Variants in KLF12 observed in about 807,000 individuals in gnomAD.
KLF12 encodes the protein KLF transcription factor 12.
KLF12 carries 9 observed loss-of-function variants against 37.8 expected under a neutral mutation model. The observed-to-expected ratio is 0.24, with a 90% confidence interval of 0.14 to 0.42. KLF12 has a LOEUF of 0.42. Among genes scored for constraint, KLF12 ranks in the 10% least tolerant of loss-of-function variants. The pLI, the probability that KLF12 is intolerant of heterozygous loss-of-function variation, is 1.00. For missense variants in KLF12, 411 were observed against 516.0 expected, an observed-to-expected ratio of 0.80 and a Z score of 1.97; for synonymous variants, 208 against 202.1, an observed-to-expected ratio of 1.03 and a Z score of -0.25.
intron 5 of KLF12, among the ~76,000 whole-genome samples, chr13:73,799,479 T>C (rs1371829858): frequency 8.6e-6 from 1 of 115,684 alleles, no homozygotes; most frequent in Admixed American, 8.8e-5. Flanking sequence ...AAGGATTACA[T>C]ATAATATTTT....
At position 73,957,106 on chromosome 13, in the gene KLF12, A is replaced by AAAGGAAAGGAAAGGAAAGGAAAGGAAAGG. The variant is rs1566481773; in HGVS notation, c.34-13037_34-13036insCCTTTCCTTTCCTTTCCTTTCCTTTCCTT. On this transcript the variant is annotated intron_variant, in intron 2 of 7. Coordinates refer to ENST00000377669, the MANE Select transcript of KLF12 (RefSeq NM_007249.5). ...GAAAGGAAAGGAAAGGAAAGGAAAG[A>AAAGGAAAGGAAAGGAAAGGAAAGGAAAGG]AAGGAAAAGAAAGAAAAGGAAAGGA... Among the ~76,000 whole-genome samples, 54 of 133,970 alleles carry AAAGGAAAGGAAAGGAAAGGAAAGGAAAGG rather than the reference A, an allele frequency of 4.0e-4. 5 individuals carry two copies. Among genetic ancestry groups the AAAGGAAAGGAAAGGAAAGGAAAGGAAAGG allele is most frequent in the Admixed American group, 2.3e-3 (30 of 13,008 alleles). The allele number at this position is 133,970 out of a possible 152,430, so 87.9% of individuals were successfully genotyped here.
At chr13:73,813,783 TCTTA>T (rs2138441081) in intron 4 of KLF12, among the ~76,000 whole-genome samples, 1 of 152,360 alleles carries the variant, frequency 6.6e-6, no homozygotes, top group East Asian at 1.9e-4. Flanking sequence ...TACGTATTTT[TCTTA>T]CTTCAGTGAA....
rs1226303679 is a variant in KLF12 at position 74,042,140 on chromosome 13, C to T, written c.-31-47087G>A. Among the ~76,000 whole-genome samples, 4 of 151,878 alleles carry T rather than the reference C, an allele frequency of 2.6e-5. No individual in the cohort carries two copies. In the East Asian group the frequency reaches 5.8e-4, roughly 22 times the overall value. On this transcript the variant is annotated intron_variant, in intron 1 of 7. Coordinates refer to ENST00000377669, the MANE Select transcript of KLF12 (RefSeq NM_007249.5). The stretch of plus-strand genomic sequence containing the variant: ...CCAACATGGTAAAACCCCATCTCCA[C>T]TAAAAATACAAAAGTTAGCTGGGCA...
At chr13:73,867,889 C>T (rs1377535193) in intron 3 of KLF12, among the ~76,000 whole-genome samples, 3 of 151,698 alleles carry the variant, frequency 2.0e-5, no homozygotes, top group East Asian at 2.0e-4. Context: ...GGCATGGTGG[C>T]GGGTGCCTGT....
At chr13:74,017,273 A>T (rs1433538977) in intron 1 of KLF12, among the ~76,000 whole-genome samples, 3 of 148,810 alleles carry the variant, frequency 2.0e-5, no homozygotes, top group African/African-American at 7.4e-5. Flanking sequence ...AAAAAAAAAA[A>T]AAAAAAAAAA....
At chr13:73,964,527 C>G (rs573992157) in intron 2 of KLF12, among the ~76,000 whole-genome samples, 2 of 150,018 alleles carry the variant, frequency 1.3e-5, no homozygotes, top group African/African-American at 4.9e-5. Context: ...CCCAGCACTT[C>G]GGGAGGCCAA....
the KLF12 span, among the ~76,000 whole-genome samples, chr13:74,252,058 A>G: frequency 3.3e-5 from 5 of 152,176 alleles, no homozygotes; most frequent in Admixed American, 6.5e-5. Context: ...GTTCTGATTC[A>G]CAAGGGCAGG....
chr13:73,988,850 T>C (rs1891892841), intron 2 of KLF12, among the ~76,000 whole-genome samples: 1 of 152,248 alleles, frequency 6.6e-6, no homozygotes, highest in Admixed American at 6.5e-5. Context: ...TAATGAGCAC[T>C]AGTAACTACC....
intron 2 of KLF12, 80 bp from the exon 3 acceptor site, chr13:73,944,150 A>C: frequency 1.2e-6 from 1 of 800,584 alleles, no homozygotes; most frequent in Non-Finnish European, 2.1e-6. Context: ...CCCTCATTGT[A>C]GTACATTTAG....
intron 1 of KLF12, among the ~76,000 whole-genome samples, chr13:74,040,002 T>A (rs1482211835): frequency 1.3e-5 from 2 of 152,214 alleles, no homozygotes; most frequent in Non-Finnish European, 2.9e-5. Flanking sequence ...TAGTAGACAA[T>A]CTAGATGAAA....
intron 1 of KLF12, among the ~76,000 whole-genome samples, chr13:74,122,871 T>C (rs866053549): frequency 3.4e-5 from 5 of 145,018 alleles, no homozygotes; most frequent in Non-Finnish European, 6.0e-5. Flanking sequence ...AAAGGACACA[T>C]AATCGTGCTA....
intron 1 of KLF12, among the ~76,000 whole-genome samples, chr13:74,125,423 C>T (rs577654163): frequency 6.6e-6 from 1 of 152,264 alleles, no homozygotes; most frequent in East Asian, 1.9e-4. Context: ...TTTCAGCTCA[C>T]TAACGATACT....
At chr13:73,920,626 C>T (rs1315373000) in intron 3 of KLF12, among the ~76,000 whole-genome samples, 1 of 152,132 alleles carries the variant, frequency 6.6e-6, no homozygotes, top group African/African-American at 2.4e-5. Context: ...ATTCCCATCC[C>T]TAGGCACCCT....
chr13:74,157,065 G>A, the KLF12 span, among the ~76,000 whole-genome samples: 1 of 152,040 alleles, frequency 6.6e-6, no homozygotes, highest in African/African-American at 2.4e-5. Context: ...TTGTTTTACC[G>A]CTTTCCTTTT....
chr13:73,939,776 T>C (rs1890107951), intron 3 of KLF12, among the ~76,000 whole-genome samples: 1 of 152,168 alleles, frequency 6.6e-6, no homozygotes, highest in African/African-American at 2.4e-5. Flanking sequence ...CCCACACAGC[T>C]GGTACCAGGC....
In KLF12 at chr13:73,922,708, C is replaced by G. The variant is rs894968874; in HGVS notation, c.123+21273G>C. ...TAAATTAAAAGACAGTGAACACTGA[C>G]TGGGAGCACACTTTCTGCACTGTCC... On this transcript the variant is annotated intron_variant, in intron 3 of 7. Transcript: ENST00000377669. 5.3e-5 allele frequency among the ~76,000 whole-genome samples: 8 copies of G among 152,174 alleles called. No individual in the cohort carries two copies. In the South Asian group the frequency reaches 1.7e-3, roughly 31 times the overall value.
chr13:74,117,791 G>A (rs918129736), intron 1 of KLF12, among the ~76,000 whole-genome samples: 6 of 152,078 alleles, frequency 3.9e-5, no homozygotes, highest in African/African-American at 1.4e-4. Flanking sequence ...AGCATCAGAT[G>A]AACCAAAACT....
At chr13:74,211,147 C>G in the KLF12 span, among the ~76,000 whole-genome samples, 1 of 152,162 alleles carries the variant, frequency 6.6e-6, no homozygotes, top group African/African-American at 2.4e-5. Flanking sequence ...AATCATTACT[C>G]AACTTATAAC....
At chr13:73,967,448 T>C (rs1467082111) in intron 2 of KLF12, among the ~76,000 whole-genome samples, 1 of 152,106 alleles carries the variant, frequency 6.6e-6, no homozygotes, top group Non-Finnish European at 1.5e-5. Flanking sequence ...AGTCAAGATT[T>C]TAAAAAAGAA....
Sources: gnomAD v4.1 joint callset for allele counts (sites outside exome capture counted in the v4.1 genomes callset) on GRCh38, gnomAD v4.1.1 for gene constraint, MANE v1.5 for transcripts, NCBI Gene and HGNC (gene_info 2026-07-23, HGNC 2026-07-21) for gene names.